The following RBFOX1 variants were observed in gnomAD, a reference collection of about 807,000 sequenced individuals.
The protein encoded by RBFOX1 is RNA binding fox-1 homolog 1, also known as RNA binding protein fox-1 homolog 1.
A neutral mutation model predicts 57.7 loss-of-function variants in RBFOX1; 8 were observed. That is an observed-to-expected ratio of 0.14 (90% CI 0.08 to 0.25). The LOEUF is 0.25. Among genes scored for constraint, RBFOX1 ranks in the 10% least tolerant of loss-of-function variants. The pLI, the probability that RBFOX1 is intolerant of heterozygous loss-of-function variation, is 1.00. For synonymous variants in RBFOX1, 326 were observed against 222.4 expected (o/e 1.47, Z -4.15); for missense variants, 611 against 548.5 (o/e 1.11, Z -1.14).
At chr16:6,824,637 A>T (rs927184325) in intron 3 of RBFOX1, among the ~76,000 whole-genome samples, 6 of 152,206 alleles carry the variant, frequency 3.9e-5, no homozygotes, top group Non-Finnish European at 7.3e-5. Flanking sequence ...GAGAAAATCC[A>T]TTCCTTATCA....
At chr16:6,974,132 A>G (rs1232294147) in intron 3 of RBFOX1, among the ~76,000 whole-genome samples, 2 of 152,038 alleles carry the variant, frequency 1.3e-5, no homozygotes. Context: ...GCTGCATAGA[A>G]TTCCGTGGTG....
At chr16:6,998,645 G>T (rs922491357) in intron 3 of RBFOX1, among the ~76,000 whole-genome samples, 12 of 152,082 alleles carry the variant, frequency 7.9e-5, no homozygotes, top group African/African-American at 2.7e-4. Context: ...TTGCAATCCT[G>T]TTTCACATTT....
intron 4 of RBFOX1, among the ~76,000 whole-genome samples, chr16:5,936,271 G>C (rs1440812623): frequency 6.6e-6 from 1 of 152,076 alleles, no homozygotes; most frequent in African/African-American, 2.4e-5. Context: ...TTACAGGCAT[G>C]TGCCAACGTG....
In RBFOX1 at chr16:5,517,179, C is replaced by T. The variant is rs59390603; in HGVS notation, c.258+49925C>T. Among the ~76,000 whole-genome samples the T allele has an allele frequency of 3.4e-3, 517 of 152,240 alleles. 1 individual carries two copies. The highest frequency in any genetic ancestry group is 0.011 in the African/African-American group (477 of 41,522). On this transcript the variant is annotated intron_variant, in intron 2 of 2. Coordinates refer to the RBFOX1 transcript ENST00000585867. Reference sequence around the variant, plus strand: ...AGGAGCAGAAACTCCATTAGGCTAGCTCAAGTCAAAGGGGTTTGTTGAAAG... The same window carrying T: ...AGGAGCAGAAACTCCATTAGGCTAGTTCAAGTCAAAGGGGTTTGTTGAAAG...
intron 3 of RBFOX1, among the ~76,000 whole-genome samples, chr16:6,859,525 C>T (rs987360507): frequency 6.6e-6 from 1 of 151,828 alleles, no homozygotes; most frequent in Non-Finnish European, 1.5e-5. Context: ...GCAAATTTCC[C>T]AAATGTGAGT....
chr16:5,962,550 G>A (rs145126997), intron 4 of RBFOX1, among the ~76,000 whole-genome samples: 72 of 152,072 alleles, frequency 4.7e-4, no homozygotes, highest in African/African-American at 1.7e-3. Flanking sequence ...TGTCTCATTG[G>A]GTCTAAATCT....
chr16:5,637,159 T>C (rs1401292126), intron 3 of RBFOX1, among the ~76,000 whole-genome samples: 1 of 152,200 alleles, frequency 6.6e-6, no homozygotes, highest in Non-Finnish European at 1.5e-5. Context: ...ATATTTTAAA[T>C]AAGCTGTCAC....
At chr16:6,061,649 A>G (rs1229370513) in intron 1 of RBFOX1, among the ~76,000 whole-genome samples, 1 of 152,072 alleles carries the variant, frequency 6.6e-6, no homozygotes, top group Non-Finnish European at 1.5e-5. Context: ...TATTCTTAAC[A>G]ATATAAATAA....
At chr16:5,565,892 A>G (rs538509164) in intron 2 of RBFOX1, among the ~76,000 whole-genome samples, 4 of 152,132 alleles carry the variant, frequency 2.6e-5, no homozygotes, top group South Asian at 2.1e-4. Context: ...TGTAGCTCCC[A>G]TAATTCCCAT....
At chr16:6,908,477 C>G (rs1226342848) in intron 3 of RBFOX1, among the ~76,000 whole-genome samples, 1 of 152,194 alleles carries the variant, frequency 6.6e-6, no homozygotes, top group Admixed American at 6.5e-5. Flanking sequence ...CCCCAGCATG[C>G]CCAATCCTCT....
chr16:5,272,811 A>G (rs997806644), intron 1 of RBFOX1, among the ~76,000 whole-genome samples: 3 of 151,920 alleles, frequency 2.0e-5, no homozygotes, highest in Non-Finnish European at 2.9e-5. Context: ...TGGTTCCTTT[A>G]TTTTGCAGAT....
At chr16:6,505,588 G>C (rs1233148247) in intron 2 of RBFOX1, among the ~76,000 whole-genome samples, 1 of 152,006 alleles carries the variant, frequency 6.6e-6, no homozygotes, top group East Asian at 1.9e-4. Context: ...CTTATGTTTG[G>C]GTATAGCAGA....
chr16:5,914,087 TG>T (rs1403707822), intron 4 of RBFOX1, among the ~76,000 whole-genome samples: 2 of 152,192 alleles, frequency 1.3e-5, no homozygotes, highest in Admixed American at 6.5e-5. Context: ...TGAGATGTCT[TG>T]GGGACTTTCA....
At chr16:7,111,893 G>A (rs2151593929) in intron 4 of RBFOX1, among the ~76,000 whole-genome samples, 1 of 152,128 alleles carries the variant, frequency 6.6e-6, no homozygotes, top group South Asian at 2.1e-4. Flanking sequence ...GCTGCTGACT[G>A]GCTGATTTAG....
intron 4 of RBFOX1, among the ~76,000 whole-genome samples, chr16:7,298,286 T>C (rs12922886): frequency 4.2e-5 from 3 of 71,912 alleles, no homozygotes; most frequent in African/African-American, 2.7e-4. Flanking sequence ...TTTTTTTTTG[T>C]TTTTTTTTTT....
At chr16:5,975,047 A>T (rs2060034631) in intron 4 of RBFOX1, among the ~76,000 whole-genome samples, 2 of 152,184 alleles carry the variant, frequency 1.3e-5, no homozygotes, top group Non-Finnish European at 2.9e-5. Context: ...AAAGTAAAAA[A>T]CCAAAATCAC....
intron 3 of RBFOX1, among the ~76,000 whole-genome samples, chr16:6,958,366 C>T (rs2082290595): frequency 6.6e-6 from 1 of 152,176 alleles, no homozygotes; most frequent in African/African-American, 2.4e-5. Context: ...TATCACCCAC[C>T]ATTAGAAAAG....
chr16:6,947,173 T>C (rs936459437), intron 3 of RBFOX1, among the ~76,000 whole-genome samples: 7 of 152,174 alleles, frequency 4.6e-5, no homozygotes, highest in African/African-American at 9.7e-5. Flanking sequence ...TCACTGGCTG[T>C]GATTTCAACT....
intron 1 of RBFOX1, among the ~76,000 whole-genome samples, chr16:6,066,459 G>A (rs1021122813): frequency 3.3e-5 from 5 of 152,138 alleles, no homozygotes; most frequent in African/African-American, 1.2e-4. Context: ...TTCAGATACA[G>A]TGCTGCTAAG....
Sources: gnomAD v4.1 joint callset for allele counts (sites outside exome capture counted in the v4.1 genomes callset) on GRCh38, gnomAD v4.1.1 for gene constraint, MANE v1.5 for transcripts, NCBI Gene and HGNC (gene_info 2026-07-23, HGNC 2026-07-21) for gene names.